Variants in ZNF695 observed in about 807,000 individuals in gnomAD.
ZNF695 encodes zinc finger protein 695.
Under a neutral mutation model 11.2 loss-of-function variants are expected in ZNF695, and 11 were observed. The ratio of observed to expected loss-of-function variants is 0.98; its 90% CI spans 0.62 to 1.62. The LOEUF (loss-of-function observed/expected upper bound fraction) is 1.62, where lower values mean the gene tolerates loss of function less well. Among genes scored for constraint, ZNF695 ranks in the 40% most tolerant of loss-of-function variants. The pLI is 0.00. For missense variants in ZNF695, 559 were observed against 590.5 expected (o/e 0.95, Z 0.55); for synonymous variants, 190 against 201.4 (o/e 0.94, Z 0.48).
intron 4 of ZNF695, among the ~76,000 whole-genome samples, chr1:246,976,412 A>G (rs1263142049): frequency 6.6e-6 from 1 of 152,252 alleles, no homozygotes; most frequent in Non-Finnish European, 1.5e-5. Flanking sequence ...AATCCTTTTG[A>G]GGCATTCAAA....
At chr1:246,973,806 A>G (rs941898145) in intron 4 of ZNF695, among the ~76,000 whole-genome samples, 2 of 152,192 alleles carry the variant, frequency 1.3e-5, no homozygotes, top group African/African-American at 4.8e-5. Flanking sequence ...TGGGATTCAA[A>G]TCCAGGTCTG....
At chr1:246,963,604 T>C (rs1668216717) in intron 5 of ZNF695, among the ~76,000 whole-genome samples, 1 of 152,144 alleles carries the variant, frequency 6.6e-6, no homozygotes. Context: ...AGGCTGGCAG[T>C]GCCAGAGCAG....
At chr1:246,982,486 T>C (rs1668735448), downstream of ZNF695, among the ~76,000 whole-genome samples, 1 of 152,202 alleles carries the variant, frequency 6.6e-6, no homozygotes, top group African/African-American at 2.4e-5. Context: ...GATTTCCAAA[T>C]TCTGACATGT....
downstream of ZNF695, among the ~76,000 whole-genome samples, chr1:246,984,300 A>C (rs1024937618): frequency 2.7e-5 from 4 of 148,962 alleles, no homozygotes; most frequent in African/African-American, 9.8e-5. Context: ...AAAAAAAAAA[A>C]GGAGGAGAGC....
At chr1:246,949,864 G>C (rs1667829705) in intron 5 of ZNF695, among the ~76,000 whole-genome samples, 1 of 152,076 alleles carries the variant, frequency 6.6e-6, no homozygotes, top group Non-Finnish European at 1.5e-5. Context: ...TAACAATTTT[G>C]TATGTGTCTT....
chr1:246,957,466 A>G (rs1191503094), intron 5 of ZNF695, among the ~76,000 whole-genome samples: 2 of 152,078 alleles, frequency 1.3e-5, no homozygotes, highest in African/African-American at 2.4e-5. Context: ...GAAAACTTTA[A>G]TCTTCTCTAA....
At chr1:246,947,137 CA>C (rs756767246) in intron 5 of ZNF695, among the ~76,000 whole-genome samples, 12,422 of 90,106 alleles carry the variant, frequency 0.14, 731 homozygotes, top group African/African-American at 0.19. Flanking sequence ...GAGACTCCGT[CA>C]AAAAAAAAAA....
At chr1:246,984,280 TAAAAAAA>T (rs1278200712), downstream of ZNF695, among the ~76,000 whole-genome samples, 1 of 130,968 alleles carries the variant, frequency 7.6e-6, no homozygotes, top group African/African-American at 2.9e-5. Flanking sequence ...ACACAGGTTT[TAAAAAAA>T]AAAAAAAAAA....
At position 246,987,552 on chromosome 1, in the gene ZNF695, C is replaced by G; in HGVS notation, c.963G>C (p.Glu321Asp). 6.9e-6 allele frequency: 11 copies of G among 1,600,216 alleles called. No homozygotes were observed. The highest frequency in any genetic ancestry group is 8.5e-6 in the Non-Finnish European group (10 of 1,174,442). The change falls in exon 4 of 4, where the codon GAG becomes GAC. Residue 321 changes from glutamate (E) to aspartate (D), a missense_variant. Transcript: ENST00000339986. ...LTQHKRIHSR[E>D]KPYKCEECGK... is the part of the protein sequence containing the mutation. ...CACATTCTTCACACTTGTAGGGTTT[C>G]TCTCTACTATGAATTCTCTTGTGTT...
intron 5 of ZNF695, among the ~76,000 whole-genome samples, chr1:246,958,040 TTTTG>T (rs1668045331): frequency 6.6e-6 from 1 of 151,230 alleles, no homozygotes; most frequent in Non-Finnish European, 1.5e-5. Flanking sequence ...TTGGTTTTTG[TTTTG>T]TTTTGTTTTG....
At chr1:247,007,669 T>A (rs1258856087) in intron 1 of ZNF695, among the ~76,000 whole-genome samples, 2 of 151,962 alleles carry the variant, frequency 1.3e-5, no homozygotes, top group African/African-American at 4.8e-5. Context: ...CTCTGGGCCG[T>A]GCCGAAGTCA....
At chr1:246,998,854 G>A (rs573105968) in intron 3 of ZNF695, among the ~76,000 whole-genome samples, 1 of 152,128 alleles carries the variant, frequency 6.6e-6, no homozygotes, top group Non-Finnish European at 1.5e-5. Flanking sequence ...TGTAGTCCCA[G>A]CTACTCGGGA....
chr1:246,986,796 G>T lies in ZNF695; in HGVS notation c.*171C>A. 7.2e-7 allele frequency: 1 copy of T among 1,385,784 alleles called. No individual in the cohort carries two copies. Among genetic ancestry groups the T allele is most frequent in the Non-Finnish European group, 9.3e-7 (1 of 1,075,642 alleles). The allele number at this position is 1,385,784 out of a possible 1,614,324, so 85.8% of individuals were successfully genotyped here. A position where few individuals can be genotyped will look rare whatever the true frequency, so the allele number is the denominator to read the frequency against. On this transcript the variant is annotated 3_prime_UTR_variant, in exon 4 of 4. Transcript: ENST00000339986. ...GTGGAGGTGTTGAACCGGTCTATTT[G>T]TATTGTTCGTAGCCTAAACATTTTA...
intron 3 of ZNF695, among the ~76,000 whole-genome samples, chr1:246,998,056 C>T (rs1299572705): frequency 6.6e-6 from 1 of 152,160 alleles, no homozygotes; most frequent in East Asian, 1.9e-4. Flanking sequence ...ATAAAACTAA[C>T]CATGTGAAGT....
chr1:246,983,112 A>G (rs1174662359), downstream of ZNF695, among the ~76,000 whole-genome samples: 3 of 151,698 alleles, frequency 2.0e-5, no homozygotes, highest in Non-Finnish European at 4.4e-5. Flanking sequence ...GCTGAGGCAG[A>G]AGAATGGCAT....
chr1:247,004,696 C>A (rs1269409987), intron 1 of ZNF695, among the ~76,000 whole-genome samples: 2 of 152,068 alleles, frequency 1.3e-5, no homozygotes, highest in Non-Finnish European at 2.9e-5. Flanking sequence ...AAGACTCTAC[C>A]AAAAAACTAT....
intron 5 of ZNF695, among the ~76,000 whole-genome samples, chr1:246,950,650 C>CAAAA (rs200143022): frequency 2.0e-4 from 21 of 105,372 alleles, no homozygotes; most frequent in Non-Finnish European, 2.5e-4. Context: ...AACTCCGTTT[C>CAAAA]AAAAAAAAAA....
At chr1:246,999,493 T>G in intron 2 of ZNF695, 53 bp from the exon 3 acceptor site, 1 of 1,384,176 alleles carries the variant, frequency 7.2e-7, no homozygotes, top group South Asian at 1.2e-5. Context: ...TTTAATCACC[T>G]TTTACTATGC....
rs183606563 is a variant in ZNF695, at chr1:246,995,042, G to A, written c.259+4306C>T. Among the ~76,000 whole-genome samples the A allele has an allele frequency of 1.2e-4, 19 of 152,232 alleles. No individual in the cohort carries two copies. In the East Asian group the frequency reaches 3.7e-3, roughly 29 times the overall value. ...ACAGAAATGAAGCAACAAGTACACAGGGAACGGGGGACTTGAAAGCACTAT... is the reference window on the plus strand; with the variant it reads ...ACAGAAATGAAGCAACAAGTACACAAGGAACGGGGGACTTGAAAGCACTAT... On this transcript the variant is annotated intron_variant, in intron 3 of 3. Coordinates refer to ENST00000339986, the MANE Select transcript of ZNF695 (RefSeq NM_020394.5).
Sources: gnomAD v4.1 joint callset for allele counts (sites outside exome capture counted in the v4.1 genomes callset) on GRCh38, gnomAD v4.1.1 for gene constraint, MANE v1.5 for transcripts, NCBI Gene and HGNC (gene_info 2026-07-23, HGNC 2026-07-21) for gene names.